Variants in KMT2C observed in about 807,000 individuals in gnomAD.
KMT2C encodes the protein histone-lysine N-methyltransferase 2C.
Under a neutral mutation model 507.9 loss-of-function variants are expected in KMT2C, and 88 were observed. The ratio of observed to expected loss-of-function variants is 0.17; its 90% confidence interval spans 0.15 to 0.21. KMT2C has a LOEUF of 0.21. Among genes scored for constraint, KMT2C ranks in the 10% least tolerant of loss-of-function variants. KMT2C has a pLI of 1.00. For synonymous variants in KMT2C, 2,049 were observed against 2,080.8 expected (o/e 0.98, Z 0.42); for missense variants, 4,954 against 5,957.8 (o/e 0.83, Z 5.55).
chr7:152,199,491 T>A, intron 26 of KMT2C, 32 bp from the exon 27 acceptor site: 1 of 1,371,408 alleles, frequency 7.3e-7, no homozygotes, highest in Non-Finnish European at 9.8e-7. Context: ...CAAAAATGGT[T>A]AGAAAATTCT....
At chr7:152,304,830 T>C (rs1259971797) in intron 6 of KMT2C, among the ~76,000 whole-genome samples, 1 of 152,174 alleles carries the variant, frequency 6.6e-6, no homozygotes, top group Non-Finnish European at 1.5e-5. Flanking sequence ...TGGGAGGCAC[T>C]GCACCTAGCC....
At chr7:152,368,238 C>T in intron 1 of KMT2C, 1 of 903,856 alleles carries the variant, frequency 1.1e-6, no homozygotes, top group Admixed American at 1.7e-5. Flanking sequence ...ACACTCAGGA[C>T]TTGAAAGATG....
chr7:152,205,077 A>G (rs1246637288), intron 25 of KMT2C, 29 bp downstream of exon 25: 2 of 1,515,334 alleles, frequency 1.3e-6, no homozygotes, highest in East Asian at 2.4e-5. Flanking sequence ...ACATTAAAAA[A>G]AAAATTTTTT....
intron 9 of KMT2C, among the ~76,000 whole-genome samples, chr7:152,260,064 T>C (rs1013682441): frequency 6.6e-6 from 1 of 152,312 alleles, no homozygotes; most frequent in African/African-American, 2.4e-5. Context: ...CCAACATCCC[T>C]GTGAGGTAAG....
Position 152,154,000 on chromosome 7 carries a change from A to C in KMT2C, c.12276+10T>G, listed in dbSNP as rs2091857534. 1.2e-6 allele frequency: 2 copies of C among 1,612,250 alleles called. No individual in the cohort carries two copies. Among genetic ancestry groups the C allele is most frequent in the Non-Finnish European group, 1.7e-6 (2 of 1,179,286 alleles). On this transcript the variant is annotated intron_variant, in intron 48 of 58. Coordinates refer to ENST00000262189, the MANE Select transcript of KMT2C (RefSeq NM_170606.3). ...ACTGTTTAACATTAAGAAGTCATTT[A>C]ATCTTTTACCTCAGCAGCTGTAGGA...
intron 38 of KMT2C, among the ~76,000 whole-genome samples, chr7:152,174,937 G>C (rs2093130768): frequency 6.6e-6 from 1 of 152,096 alleles, no homozygotes; most frequent in Non-Finnish European, 1.5e-5. Flanking sequence ...ATACACAAAA[G>C]GACAGTAAGA....
intron 16 of KMT2C, among the ~76,000 whole-genome samples, chr7:152,235,593 T>C (rs1484103644): frequency 1.4e-5 from 2 of 138,164 alleles, no homozygotes; most frequent in Non-Finnish European, 3.2e-5. Flanking sequence ...AGGGTTGGCA[T>C]AGAAAGATAA....
chr7:152,154,119 T>C lies in KMT2C; in HGVS notation c.12167A>G (p.Lys4056Arg), dbSNP rs778602278. 56 of 1,614,020 alleles carry C rather than the reference T, an allele frequency of 3.5e-5. No homozygotes were observed. In the East Asian group the frequency reaches 1.2e-3, roughly 35 times the overall value. Residue 4056 changes from lysine (K) to arginine (R), a missense_variant, in exon 48 of 59, where the codon AAA becomes AGA. By Grantham distance (26) the Lys-to-Arg change is conservative. Coordinates refer to ENST00000262189, the MANE Select transcript of KMT2C (RefSeq NM_170606.3). ...AAAATATAAAGTGCCTGGCTCAGTT[T>C]TGATGTCATTCCTTCTTGATTCTGA... ...KSSESRRNDI[K>R]TEPGTLYFAS...
At chr7:152,331,407 C>G (rs1188614174) in intron 2 of KMT2C, among the ~76,000 whole-genome samples, 5 of 151,848 alleles carry the variant, frequency 3.3e-5, no homozygotes, top group African/African-American at 1.2e-4. Context: ...TGCTTGAGCC[C>G]AGTAGTTCAA....
intron 6 of KMT2C, among the ~76,000 whole-genome samples, chr7:152,307,516 A>G (rs2096632609): frequency 6.6e-6 from 1 of 152,192 alleles, no homozygotes; most frequent in African/African-American, 2.4e-5. Flanking sequence ...AGTTACCACT[A>G]GATCCCTTCT....
chr7:152,288,370 C>T (rs141750918), intron 6 of KMT2C, among the ~76,000 whole-genome samples: 2 of 151,540 alleles, frequency 1.3e-5, no homozygotes, highest in East Asian at 3.9e-4. Context: ...CCTGTCTCTA[C>T]TAAAAATACA....
rs146945207 is a variant in KMT2C at position 152,176,405 on chromosome 7, T to G, written c.9048A>C (p.Gln3016His). ...TGCTACTGGTACCAGACTGACTTGT[T>G]TGAGGCCCAGTTTGAGTTGCAGGTT... ...TGKPATQTGP[Q>H]TSQSGTSSMS... The change falls in exon 38 of 59, where the codon CAA becomes CAC. Residue 3016 changes from glutamine to histidine, a missense_variant. Physicochemically the swap from Gln to His is conservative, Grantham distance 24. Transcript: ENST00000262189. 7 of 1,614,146 alleles carry G rather than the reference T, an allele frequency of 4.3e-6. No homozygotes were observed. The highest frequency in any genetic ancestry group is 5.9e-6 in the Non-Finnish European group (7 of 1,180,016).
At position 152,362,872 on chromosome 7, in the gene KMT2C, G is replaced by GT. The variant is rs2097207779; in HGVS notation, c.162-4198dup. ...ATTTTTCTTCTGATTTCTATTCTTGGTTTTGGCACTAGGAAGACATGCTTT... is the reference window on the plus strand; with the variant it reads ...ATTTTTCTTCTGATTTCTATTCTTGGTTTTTGGCACTAGGAAGACATGCTTT... On this transcript the variant is annotated intron_variant, in intron 1 of 58. Coordinates refer to ENST00000262189, the MANE Select transcript of KMT2C (RefSeq NM_170606.3). Among the ~76,000 whole-genome samples the GT allele has an allele frequency of 3.9e-5, 6 of 152,026 alleles. No homozygotes were observed. The South Asian group carries it at 1.2e-3, about 32-fold the overall frequency.
chr7:152,206,301 C>A (rs552710064), intron 24 of KMT2C, among the ~76,000 whole-genome samples: 8 of 151,194 alleles, frequency 5.3e-5, no homozygotes, highest in African/African-American at 1.9e-4. Context: ...AAAAAAAAAA[C>A]GGTAAATACA....
chr7:152,158,023 C>A (rs999609728), intron 44 of KMT2C: 8 of 801,722 alleles, frequency 1.0e-5, no homozygotes, highest in Admixed American at 3.7e-5. Flanking sequence ...AATAAGGCTT[C>A]AGAAAAATGA....
intron 10 of KMT2C, 108 bp from the exon 11 acceptor site, chr7:152,252,198 G>C: frequency 1.3e-6 from 1 of 770,928 alleles, no homozygotes; most frequent in Non-Finnish European, 2.0e-6. Flanking sequence ...AATTAAGTAT[G>C]AGAGGAGAGA....
At position 152,156,058 on chromosome 7, in the gene KMT2C, C is replaced by G; in HGVS notation, c.11813-1G>C. On this transcript the variant is annotated splice_acceptor_variant, in intron 45 of 58. Coordinates refer to ENST00000262189, the MANE Select transcript of KMT2C (RefSeq NM_170606.3). LOFTEE classifies it high-confidence loss of function. Reference sequence around the variant, plus strand: ...GGTTTAGGTCCTAGAGTTTTGGTAACTGGAAAAGCAAAAACACAAAACCAT... The same window carrying G: ...GGTTTAGGTCCTAGAGTTTTGGTAAGTGGAAAAGCAAAAACACAAAACCAT... The G allele has an allele frequency of 1.3e-6, 2 of 1,595,342 alleles. No individual in the cohort carries two copies. Among genetic ancestry groups the G allele is most frequent in the South Asian group, 1.1e-5 (1 of 88,378 alleles).
intron 23 of KMT2C, among the ~76,000 whole-genome samples, chr7:152,212,783 G>A (rs1445294779): frequency 1.5e-4 from 23 of 152,264 alleles, no homozygotes; most frequent in Non-Finnish European, 2.8e-4. Flanking sequence ...GCTCACGCCT[G>A]TAATCCCAGC....
intron 1 of KMT2C, among the ~76,000 whole-genome samples, chr7:152,411,808 C>T (rs948333108): frequency 6.6e-6 from 1 of 152,292 alleles, no homozygotes; most frequent in African/African-American, 2.4e-5. Flanking sequence ...AAAAGGGAAA[C>T]GAACGCGTTT....
Sources: gnomAD v4.1 joint callset for allele counts (sites outside exome capture counted in the v4.1 genomes callset) on GRCh38, gnomAD v4.1.1 for gene constraint, MANE v1.5 for transcripts, NCBI Gene and HGNC (gene_info 2026-07-23, HGNC 2026-07-21) for gene names.